The following MALRD1 variants were observed in gnomAD, a reference collection of about 807,000 sequenced individuals.
MALRD1 encodes MAM and LDL receptor class A domain containing 1, also known as MAM and LDL-receptor class A domain-containing protein 1.
MALRD1 carries 247 observed loss-of-function variants against 242.1 expected under a neutral mutation model. That is an observed-to-expected ratio of 1.02 (90% CI 0.92 to 1.13). MALRD1 has a LOEUF of 1.13. Among genes scored for constraint, MALRD1 ranks in the 50% most tolerant of loss-of-function variants. The pLI is 0.00. For synonymous variants in MALRD1, 995 were observed against 866.6 expected (o/e 1.15, Z -2.60); for missense variants, 2,989 against 2,533.1 (o/e 1.18, Z -3.86).
intron 17 of MALRD1, among the ~76,000 whole-genome samples, chr10:19,208,037 C>T (rs1448693102): frequency 6.6e-6 from 1 of 151,870 alleles, no homozygotes; most frequent in African/African-American, 2.4e-5. Flanking sequence ...GAATGAACTG[C>T]AACTCAAAAT....
At chr10:19,448,795 A>G (rs1325968254) in intron 28 of MALRD1, among the ~76,000 whole-genome samples, 1 of 151,946 alleles carries the variant, frequency 6.6e-6, no homozygotes, top group African/African-American at 2.4e-5. Context: ...TAATAATTAC[A>G]TTATAACAGA....
At position 19,165,741 on chromosome 10, in the gene MALRD1, C is replaced by T. The variant is rs776698947; in HGVS notation, c.1761C>T (p.Ser587=). 5.7e-5 allele frequency: 70 copies of T among 1,231,454 alleles called. No homozygotes were observed. The African/African-American group carries it at 5.7e-4, about 10-fold the overall frequency. 76.3% of individuals were successfully genotyped at this position (1,231,454 alleles called of 1,614,324 possible). Residue 587 remains serine, a synonymous_variant, in exon 13 of 40, where the codon TCC becomes TCT. Transcript: ENST00000454679. ...LQKQGKIIRF[S]ESQWSHAKID... is the part of the protein sequence containing the mutation. ...AGCAGGGCAAAATAATCAGATTCTCCGAATCTCAGTGGAGCCACGCAAAAA... is the reference window on the plus strand; with the variant it reads ...AGCAGGGCAAAATAATCAGATTCTCTGAATCTCAGTGGAGCCACGCAAAAA...
chr10:19,563,077 T>C (rs1395740647), intron 32 of MALRD1, among the ~76,000 whole-genome samples: 1 of 152,188 alleles, frequency 6.6e-6, no homozygotes, highest in African/African-American at 2.4e-5. Context: ...GTTCCTTATA[T>C]GCTGAACCAG....
intron 14 of MALRD1, among the ~76,000 whole-genome samples, chr10:19,197,144 A>G (rs536642335): frequency 5.9e-5 from 9 of 152,228 alleles, no homozygotes; most frequent in African/African-American, 1.9e-4. Context: ...TTAAACCATC[A>G]GCTCTCATGA....
At chr10:19,293,900 C>G (rs1202735202) in intron 21 of MALRD1, among the ~76,000 whole-genome samples, 1 of 152,050 alleles carries the variant, frequency 6.6e-6, no homozygotes, top group African/African-American at 2.4e-5. Context: ...ACCCCTGAAC[C>G]TAAATGTTTA....
At chr10:19,627,473 C>T (rs1449540317) in intron 36 of MALRD1, among the ~76,000 whole-genome samples, 1 of 151,994 alleles carries the variant, frequency 6.6e-6, no homozygotes, top group African/African-American at 2.4e-5. Context: ...TGCGGTGGCT[C>T]ACACCTGTAA....
chr10:19,242,831 G>A (rs1376545327), intron 18 of MALRD1, among the ~76,000 whole-genome samples: 1 of 151,976 alleles, frequency 6.6e-6, no homozygotes, highest in Non-Finnish European at 1.5e-5. Context: ...AGTGAGGTAA[G>A]TATCATGTAG....
In MALRD1 at chr10:19,194,399, A is replaced by G. The variant is rs913992100; in HGVS notation, c.1952-9329A>G. On this transcript the variant is annotated intron_variant, in intron 14 of 39. Transcript: ENST00000454679. ...AGTTCCTGGTGAGACTCATTTATCC[A>G]GTAACAACAAAACGTTCTCTTCTTT... 3.3e-5 allele frequency among the ~76,000 whole-genome samples: 5 copies of G among 152,282 alleles called. No homozygotes were observed. The East Asian group carries it at 9.7e-4, about 29-fold the overall frequency.
chr10:19,293,693 G>A (rs371632930), intron 21 of MALRD1, among the ~76,000 whole-genome samples: 79 of 152,248 alleles, frequency 5.2e-4, no homozygotes, highest in African/African-American at 1.7e-3. Flanking sequence ...TTATAAGTGG[G>A]AGCTAAATGA....
intron 31 of MALRD1, among the ~76,000 whole-genome samples, chr10:19,526,393 CA>C (rs1288453701): frequency 6.9e-6 from 1 of 145,824 alleles, no homozygotes; most frequent in East Asian, 2.1e-4. Context: ...TATGTCATCA[CA>C]AAAGTTCATC....
At chr10:19,139,458 T>A (rs1833466008) in intron 10 of MALRD1, among the ~76,000 whole-genome samples, 1 of 152,152 alleles carries the variant, frequency 6.6e-6, no homozygotes, top group Non-Finnish European at 1.5e-5. Flanking sequence ...CACTTTAGAA[T>A]GAATCTCTAG....
intron 18 of MALRD1, among the ~76,000 whole-genome samples, chr10:19,219,183 G>C (rs567899878): frequency 6.6e-6 from 1 of 152,098 alleles, no homozygotes; most frequent in East Asian, 1.9e-4. Context: ...AAGGTATAAT[G>C]GTCTCATGAA....
intron 32 of MALRD1, among the ~76,000 whole-genome samples, chr10:19,538,290 T>A (rs1017386791): frequency 6.6e-6 from 1 of 152,154 alleles, no homozygotes; most frequent in Non-Finnish European, 1.5e-5. Context: ...ATCAGAATAA[T>A]AAAATGTTCA....
chr10:19,283,568 T>C (rs1840932849), intron 21 of MALRD1, among the ~76,000 whole-genome samples: 1 of 152,130 alleles, frequency 6.6e-6, no homozygotes, highest in Non-Finnish European at 1.5e-5. Flanking sequence ...GCCTCCCTTT[T>C]TTCCCCTCCC....
chr10:19,118,066 C>T (rs1232428177), intron 5 of MALRD1, among the ~76,000 whole-genome samples: 2 of 151,930 alleles, frequency 1.3e-5, no homozygotes, highest in Non-Finnish European at 2.9e-5. Context: ...CTATGGAGAA[C>T]AGTAAAGCAA....
intron 21 of MALRD1, among the ~76,000 whole-genome samples, chr10:19,296,491 G>C (rs1841709173): frequency 1.3e-5 from 2 of 151,974 alleles, no homozygotes; most frequent in Admixed American, 6.6e-5. Flanking sequence ...AAAATTTCAG[G>C]AATGATAAAT....
At chr10:19,606,053 AT>A (rs1360271291) in intron 34 of MALRD1, among the ~76,000 whole-genome samples, 4 of 151,794 alleles carry the variant, frequency 2.6e-5, no homozygotes, top group East Asian at 1.9e-4. Flanking sequence ...TAAAAACACT[AT>A]TTTTTTTACG....
rs1438843716 is a variant in MALRD1, at chr10:19,175,331, A to G, written c.1951+3A>G. ...AAGGACCAGTACACAAAGCAAGTGTAAGTTTTTCCTTGTCGTTGTTGCTGT... is the reference window on the plus strand; with the variant it reads ...AAGGACCAGTACACAAAGCAAGTGTGAGTTTTTCCTTGTCGTTGTTGCTGT... On this transcript the variant is annotated splice_donor_region_variant and intron_variant, in intron 14 of 39. Coordinates refer to ENST00000454679, the MANE Select transcript of MALRD1 (RefSeq NM_001142308.3). The G allele has an allele frequency of 4.1e-6, 5 of 1,229,686 alleles. No individual in the cohort carries two copies. Among genetic ancestry groups the G allele is most frequent in the Non-Finnish European group, 5.1e-6 (5 of 986,790 alleles). 76.2% of individuals were successfully genotyped at this position (1,229,686 alleles called of 1,614,324 possible).
intron 38 of MALRD1, chr10:19,721,569 A>C (rs192737704): frequency 6.6e-6 from 1 of 152,334 alleles, no homozygotes; most frequent in Non-Finnish European, 1.5e-5. Flanking sequence ...CAAATCACAT[A>C]CTTCACAACC....
Sources: gnomAD v4.1 joint callset for allele counts (sites outside exome capture counted in the v4.1 genomes callset) on GRCh38, gnomAD v4.1.1 for gene constraint, MANE v1.5 for transcripts, NCBI Gene and HGNC (gene_info 2026-07-23, HGNC 2026-07-21) for gene names.